The following TBC1D16 variants were observed in gnomAD, a reference collection of about 807,000 sequenced individuals.
TBC1D16 encodes the protein TBC1 domain family member 16, also known as CTD-2529O21.1.
Under a neutral mutation model 74.7 loss-of-function variants are expected in TBC1D16, and 58 were observed. That is an observed-to-expected ratio of 0.78 (90% CI 0.63 to 0.97). The LOEUF is 0.97. Among genes scored for constraint, TBC1D16 ranks in the 50% least tolerant of loss-of-function variants. The pLI, the probability that TBC1D16 is intolerant of heterozygous loss-of-function variation, is 0.00. For synonymous variants in TBC1D16, 493 were observed against 474.7 expected (o/e 1.04, Z -0.50); for missense variants, 1,014 against 1,079.5 (o/e 0.94, Z 0.85).
intron 3 of TBC1D16, among the ~76,000 whole-genome samples, chr17:79,989,400 C>G (rs2034975872): frequency 6.6e-6 from 1 of 152,374 alleles, no homozygotes; most frequent in African/African-American, 2.4e-5. Context: ...CACACTGTGG[C>G]CTTGATCGGG....
intron 1 of TBC1D16, among the ~76,000 whole-genome samples, chr17:80,019,337 CAG>C (rs1283334019): frequency 6.7e-6 from 1 of 149,674 alleles, no homozygotes; most frequent in Non-Finnish European, 1.5e-5. Flanking sequence ...TCTGACCACT[CAG>C]GGTCATTTCG....
chr17:80,022,414 G>A (rs1252427147), intron 1 of TBC1D16, among the ~76,000 whole-genome samples: 1 of 149,842 alleles, frequency 6.7e-6, no homozygotes, highest in African/African-American at 2.5e-5. Context: ...TTGGCTCACT[G>A]CAACCTCTTC....
At chr17:79,958,345 G>A (rs192403746) in intron 3 of TBC1D16, among the ~76,000 whole-genome samples, 1,710 of 151,114 alleles carry the variant, frequency 0.011, 28 homozygotes, top group African/African-American at 0.039. Flanking sequence ...TCAGCCTCCC[G>A]AGTAGCTGGG....
chr17:79,972,559 G>A (rs1021315738), intron 3 of TBC1D16, among the ~76,000 whole-genome samples: 3 of 152,190 alleles, frequency 2.0e-5, no homozygotes, highest in Non-Finnish European at 2.9e-5. Flanking sequence ...GCCAGACACA[G>A]AAGGTCAAAC....
intron 7 of TBC1D16, 89 bp downstream of exon 7, chr17:79,949,628 C>T (rs1281886215): frequency 1.4e-6 from 2 of 1,471,466 alleles, no homozygotes; most frequent in Non-Finnish European, 1.8e-6. Context: ...AACATATTAT[C>T]AATGCTGAAT....
chr17:79,998,313 AG>A (rs1338121369), intron 3 of TBC1D16, among the ~76,000 whole-genome samples: 1 of 150,636 alleles, frequency 6.6e-6, no homozygotes, highest in Non-Finnish European at 1.5e-5. Flanking sequence ...TGCAGCTTGC[AG>A]CCTTTTCAGA....
intron 3 of TBC1D16, among the ~76,000 whole-genome samples, chr17:79,982,499 C>T (rs1371924015): frequency 6.6e-6 from 1 of 152,086 alleles, no homozygotes; most frequent in South Asian, 2.1e-4. Flanking sequence ...TTCACGTCTG[C>T]ACACAATACA....
In TBC1D16 at chr17:79,954,926, A is replaced by C. The variant is rs2033263713; in HGVS notation, c.780-2108T>G. On this transcript the variant is annotated intron_variant, in intron 3 of 11. Transcript: ENST00000310924. The surrounding 1 kb of genome is among the most constrained non-coding windows in gnomAD (Gnocchi z 5.5). ...AGGCCAAGGTTTCCAGAAACCAGAC[A>C]GAACACAGAGACTCGCTTTGGCAGT... Among the ~76,000 whole-genome samples the C allele has an allele frequency of 6.6e-6, 1 of 152,284 alleles. No individual in the cohort carries two copies. The highest frequency in any genetic ancestry group is 1.5e-5 in the Non-Finnish European group (1 of 68,012).
intron 3 of TBC1D16, among the ~76,000 whole-genome samples, chr17:79,959,597 CA>C (rs1327776091): frequency 6.6e-6 from 1 of 152,064 alleles, no homozygotes; most frequent in Non-Finnish European, 1.5e-5. Context: ...TACAAAAGTG[CA>C]AAGACAATTC....
At chr17:79,957,208 G>A (rs551960065) in intron 3 of TBC1D16, among the ~76,000 whole-genome samples, 45 of 152,296 alleles carry the variant, frequency 3.0e-4, no homozygotes, top group African/African-American at 1.0e-3. Flanking sequence ...GGCTGTGATG[G>A]GAGAGGAGGC....
At position 79,936,760 on chromosome 17, in the gene TBC1D16, A is replaced by G. The variant is rs1598299034; in HGVS notation, c.*4099T>C. On this transcript the variant is annotated 3_prime_UTR_variant, in exon 12 of 12. Transcript: ENST00000310924. ...CGGCCGTGCAGCCTGGCTTAGAAAC[A>G]AGGGACGAAGTGGATCCTGAGGCTC... The G allele has an allele frequency of 6.6e-6, 1 of 152,368 alleles. No individual in the cohort carries two copies. Among genetic ancestry groups the G allele is most frequent in the South Asian group, 2.1e-4 (1 of 4,830 alleles). The allele number at this position is 152,368 out of a possible 1,614,324, so 9.4% of individuals were successfully genotyped here. A position where few individuals can be genotyped will look rare whatever the true frequency, so the allele number is the denominator to read the frequency against.
chr17:79,951,705 A>T, intron 4 of TBC1D16, 108 bp from the exon 5 acceptor site: 1 of 1,325,320 alleles, frequency 7.5e-7, no homozygotes, highest in Non-Finnish European at 1.0e-6. Context: ...CAGAAGCAGG[A>T]AACAGTGAGT....
At chr17:80,030,626 A>G (rs1475582858) in intron 1 of TBC1D16, among the ~76,000 whole-genome samples, 2 of 152,222 alleles carry the variant, frequency 1.3e-5, no homozygotes, top group African/African-American at 4.8e-5. Flanking sequence ...TGTGCCGTGC[A>G]CCGGCCTCAG....
chr17:79,959,475 G>A (rs1333225189), intron 3 of TBC1D16, among the ~76,000 whole-genome samples: 1 of 152,164 alleles, frequency 6.6e-6, no homozygotes, highest in Non-Finnish European at 1.5e-5. Flanking sequence ...CTGACTTTGA[G>A]ACCTACATAG....
chr17:80,033,187 T>C (rs1256343015), intron 1 of TBC1D16, among the ~76,000 whole-genome samples: 1 of 152,216 alleles, frequency 6.6e-6, no homozygotes, highest in African/African-American at 2.4e-5. Context: ...AATGTTACCA[T>C]TTGACATTAC....
intron 1 of TBC1D16, among the ~76,000 whole-genome samples, chr17:80,024,578 A>ACACATAC (rs2036460936): frequency 3.8e-5 from 1 of 26,190 alleles, no homozygotes; most frequent in African/African-American, 2.7e-4. Flanking sequence ...CACCATAGGC[A>ACACATAC]CACACACCAC....
In TBC1D16 at chr17:80,001,480, C is replaced by T. The variant is rs1008589383; in HGVS notation, c.779+8680G>A. The stretch of plus-strand genomic sequence containing the variant: ...TGCTGGCTTCCCGGCTGCCAGGCTG[C>T]GCTGGGCCCGGAGGGGTGGGCGGGG... On this transcript the variant is annotated intron_variant, in intron 3 of 11. Coordinates refer to ENST00000310924, the MANE Select transcript of TBC1D16 (RefSeq NM_019020.4). This position sits in a 1 kb window ranked among gnomAD's most constrained non-coding sequence, Gnocchi z 5.8. 2.0e-5 allele frequency among the ~76,000 whole-genome samples: 3 copies of T among 152,028 alleles called. No homozygotes were observed. Among genetic ancestry groups the T allele is most frequent in the South Asian group, 2.1e-4 (1 of 4,816 alleles).
At position 79,954,976 on chromosome 17, in the gene TBC1D16, C is replaced by T. The variant is rs1598344231; in HGVS notation, c.780-2158G>A. Reference sequence around the variant, plus strand: ...TCACGGATGGAGGGCCCCCTCCCTGCTGCCGTGGCCACAGAAGACTGGTCC... The same window carrying T: ...TCACGGATGGAGGGCCCCCTCCCTGTTGCCGTGGCCACAGAAGACTGGTCC... On this transcript the variant is annotated intron_variant, in intron 3 of 11. Transcript: ENST00000310924. The surrounding 1 kb of genome is among the most constrained non-coding windows in gnomAD (Gnocchi z 5.5). Among the ~76,000 whole-genome samples, 1 of 152,160 alleles carries T rather than the reference C, an allele frequency of 6.6e-6. No homozygotes were observed. The highest frequency in any genetic ancestry group is 1.9e-4 in the East Asian group (1 of 5,190).
chr17:79,946,512 C>T (rs1024553463), intron 9 of TBC1D16, among the ~76,000 whole-genome samples: 13 of 152,136 alleles, frequency 8.5e-5, no homozygotes, highest in East Asian at 3.9e-4. Flanking sequence ...AGACACACTC[C>T]GTGGCCTGGG....
Sources: gnomAD v4.1 joint callset for allele counts (sites outside exome capture counted in the v4.1 genomes callset) on GRCh38, gnomAD v4.1.1 for gene constraint, Gnocchi (gnomAD v3.1) non-coding constraint, MANE v1.5 for transcripts, NCBI Gene and HGNC (gene_info 2026-07-23, HGNC 2026-07-21) for gene names.